The following PPIG variants were observed in gnomAD, a reference collection of about 807,000 sequenced individuals.
The protein encoded by PPIG is peptidylprolyl isomerase G.
Under a neutral mutation model 87.9 loss-of-function variants are expected in PPIG, and 26 were observed. That is an observed-to-expected ratio of 0.30 (90% confidence interval 0.22 to 0.41). The LOEUF is 0.41. Ranked by LOEUF, PPIG falls within the 10% of genes least tolerant of loss-of-function variation. The probability of loss-of-function intolerance (pLI) is 1.00; values close to 1 mark genes in which losing one functional copy is unlikely to be tolerated. For synonymous variants in PPIG, 308 were observed against 276.5 expected, an observed-to-expected ratio of 1.11 and a Z score of -1.13; for missense variants, 722 against 879.4, an observed-to-expected ratio of 0.82 and a Z score of 2.26.
chr2:169,594,499 A>C (rs924732859), intron 1 of PPIG, among the ~76,000 whole-genome samples: 1 of 151,934 alleles, frequency 6.6e-6, no homozygotes, highest in Non-Finnish European at 1.5e-5. Context: ...GTGCTTACTG[A>C]TACGTGTGAA....
chr2:169,621,941 AAT>A (rs373425329), intron 9 of PPIG, among the ~76,000 whole-genome samples: 139 of 119,750 alleles, frequency 1.2e-3, no homozygotes, highest in African/African-American at 1.2e-3. Flanking sequence ...AAAAAAAAAA[AAT>A]TTTTTTTTAA....
At chr2:169,603,939 A>G (rs2105486349) in intron 2 of PPIG, 87 bp from the exon 3 acceptor site, 2 of 978,298 alleles carry the variant, frequency 2.0e-6, no homozygotes, top group East Asian at 2.5e-5. Context: ...TATTTCTAAT[A>G]TTGTTTCACA....
At chr2:169,602,397 C>G (rs1418942028) in intron 1 of PPIG, among the ~76,000 whole-genome samples, 1 of 152,094 alleles carries the variant, frequency 6.6e-6, no homozygotes, top group Non-Finnish European at 1.5e-5. Context: ...CTCACTGCAA[C>G]CTCTACCTCC....
Position 169,637,339 on chromosome 2 carries a change from A to T in PPIG, c.2081A>T (p.Gln694Leu), listed in dbSNP as rs776643783. ...RDQSPFSKIK[Q>L]SSQDNELKSS... ...CAAAGTCCCTTCTCAAAAATAAAAC[A>T]AAGCAGTCAGGACAATGAATTAAAG... Residue 694 changes from glutamine (Q) to leucine (L), a missense_variant, in exon 14 of 14, where the codon CAA becomes CTA. By Grantham distance (113) the Gln-to-Leu change is moderately radical. Transcript: ENST00000260970. The T allele has an allele frequency of 1.2e-5, 20 of 1,606,734 alleles. No individual in the cohort carries two copies. The East Asian group carries it at 4.5e-4, about 36-fold the overall frequency.
intron 1 of PPIG, among the ~76,000 whole-genome samples, chr2:169,601,257 AT>A (rs1378473295): frequency 6.6e-6 from 1 of 152,118 alleles, no homozygotes; most frequent in Non-Finnish European, 1.5e-5. Flanking sequence ...TGTTACTGCA[AT>A]TTTACATTCT....
At chr2:169,593,263 C>G (rs916951545) in intron 1 of PPIG, among the ~76,000 whole-genome samples, 1 of 151,984 alleles carries the variant, frequency 6.6e-6, no homozygotes, top group Non-Finnish European at 1.5e-5. Context: ...GGCACAATCT[C>G]AGCTCACTGC....
Position 169,636,455 on chromosome 2 carries a change from TAGAGTA to T in PPIG, c.1199_1204del (p.Arg400_Val401del). On this transcript the variant is annotated inframe_deletion, in exon 14 of 14. Transcript: ENST00000260970. The stretch of plus-strand genomic sequence containing the variant: ...TAAAAGAAAATCAGAGAAGTCCAGT[TAGAGTA>T]AAAGAGAGAAAAATAACAGATCACA... 6.4e-7 allele frequency: 1 copy of T among 1,560,668 alleles called. No homozygotes were observed. The highest frequency in any genetic ancestry group is 8.6e-7 in the Non-Finnish European group (1 of 1,159,584).
intron 1 of PPIG, among the ~76,000 whole-genome samples, chr2:169,590,451 T>C (rs1237865568): frequency 6.6e-6 from 1 of 152,086 alleles, no homozygotes; most frequent in Non-Finnish European, 1.5e-5. Context: ...CCATCCTAGC[T>C]AACACGGTGA....
intron 9 of PPIG, among the ~76,000 whole-genome samples, chr2:169,623,541 G>A (rs1421849362): frequency 2.0e-5 from 3 of 152,196 alleles, no homozygotes; most frequent in Admixed American, 6.5e-5. Context: ...GAAGAAATGG[G>A]AGGAGGCAGA....
chr2:169,619,927 G>T (rs1425643625), intron 9 of PPIG, among the ~76,000 whole-genome samples: 1 of 151,758 alleles, frequency 6.6e-6, no homozygotes, highest in Non-Finnish European at 1.5e-5. Context: ...TTTAAATCAG[G>T]TTGTTTTCTT....
rs759583456 is a variant in PPIG at position 169,636,525 on chromosome 2, G to A, written c.1267G>A (p.Glu423Lys). The A allele has an allele frequency of 8.1e-6, 13 of 1,609,670 alleles. No individual in the cohort carries two copies. The highest frequency in any genetic ancestry group is 9.3e-6 in the Non-Finnish European group (11 of 1,178,770). The change falls in exon 14 of 14, where the codon GAG becomes AAG. Residue 423 changes from glutamate (E) to lysine (K), a missense_variant. By Grantham distance (56) the Glu-to-Lys change is moderately conservative (BLOSUM62 1). Coordinates refer to ENST00000260970, the MANE Select transcript of PPIG (RefSeq NM_004792.3). ...SESPNRKNEKEKKVKDHKSNS... is the reference protein window; with the variant it reads ...SESPNRKNEKKKKVKDHKSNS... ...GAGTCCAAACAGAAAAAATGAAAAG[G>A]AGAAGAAAGTTAAAGACCATAAATC...
rs1686029081 is a variant in PPIG, at chr2:169,630,874, C to T, written c.648C>T (p.Ser216=). The change falls in exon 10 of 14, where the codon TCC becomes TCT. Residue 216 remains serine, a synonymous_variant. Coordinates refer to ENST00000260970, the MANE Select transcript of PPIG (RefSeq NM_004792.3). ...GTGATTCTCAGTCCTCTTCTGATTC[C>T]TCTGATTCCGAAAGTGCTACTGAAG... The part of the protein sequence containing the change: ...SSSDSQSSSD[S]SDSESATEEK... 1 of 1,610,498 alleles carries T rather than the reference C, an allele frequency of 6.2e-7. No homozygotes were observed. The highest frequency in any genetic ancestry group is 8.5e-7 in the Non-Finnish European group (1 of 1,178,878).
At position 169,639,042 on chromosome 2, in the gene PPIG, CTA is replaced by C. The variant is rs1200032517; in HGVS notation, c.*1521_*1522del. The C allele has an allele frequency of 2.0e-5, 3 of 152,004 alleles. No homozygotes were observed. The highest frequency in any genetic ancestry group is 2.0e-4 in the Admixed American group (3 of 15,240). The allele number at this position is 152,004 out of a possible 1,614,324, so 9.4% of individuals were successfully genotyped here. A position where few individuals can be genotyped will look rare whatever the true frequency, so the allele number is the denominator to read the frequency against. On this transcript the variant is annotated 3_prime_UTR_variant, in exon 14 of 14. Transcript: ENST00000260970. ...GCAATTATTAACATGATACTTCCCA[CTA>C]TTGATTAATGCAATATTGATATATT... is the stretch of plus-strand genomic sequence containing the variant.
Position 169,636,444 on chromosome 2 carries a change from A to G in PPIG, c.1186A>G (p.Arg396Gly), listed in dbSNP as rs1451696932. ...SELNEIKENQRSPVRVKERKI... is the reference protein window; with the variant it reads ...SELNEIKENQGSPVRVKERKI... ...GTTGAATGAAATAAAAGAAAATCAG[A>G]GAAGTCCAGTTAGAGTAAAAGAGAG... The change falls in exon 14 of 14, where the codon AGA becomes GGA. Residue 396 changes from arginine to glycine, a missense_variant. Physicochemically the swap from Arg to Gly is moderately radical, Grantham distance 125. Transcript: ENST00000260970. 2.6e-6 allele frequency: 4 copies of G among 1,549,884 alleles called. No homozygotes were observed. Among genetic ancestry groups the G allele is most frequent in the Non-Finnish European group, 3.5e-6 (4 of 1,152,732 alleles).
intron 1 of PPIG, among the ~76,000 whole-genome samples, chr2:169,599,329 A>G (rs538662959): frequency 6.6e-6 from 1 of 152,130 alleles, no homozygotes; most frequent in Non-Finnish European, 1.5e-5. Context: ...CTACTGTACA[A>G]TTATCTTTTT....
intron 9 of PPIG, among the ~76,000 whole-genome samples, chr2:169,628,939 CAAAAAAA>C (rs71006010): frequency 8.7e-5 from 8 of 92,328 alleles, no homozygotes; most frequent in African/African-American, 1.6e-4. Flanking sequence ...ACCCTGTCTC[CAAAAAAA>C]AAAAAAAAAA....
intron 4 of PPIG, among the ~76,000 whole-genome samples, chr2:169,605,611 G>T (rs140107399): frequency 6.6e-6 from 1 of 151,062 alleles, no homozygotes; most frequent in Non-Finnish European, 1.5e-5. Flanking sequence ...AGACCAGCCT[G>T]GCCAACATGG....
intron 7 of PPIG, among the ~76,000 whole-genome samples, chr2:169,613,532 G>A (rs1259043834): frequency 1.3e-5 from 2 of 152,124 alleles, no homozygotes; most frequent in Non-Finnish European, 2.9e-5. Flanking sequence ...AAGGTTGATG[G>A]TGGGGAGTGG....
intron 1 of PPIG, 28 bp downstream of exon 1, chr2:169,584,518 T>C (rs2105464267): frequency 2.1e-6 from 1 of 470,186 alleles, no homozygotes; most frequent in Admixed American, 2.4e-5. Flanking sequence ...CAAGTTGTTC[T>C]GGCGGCGTCA....
Sources: gnomAD v4.1 joint callset for allele counts (sites outside exome capture counted in the v4.1 genomes callset) on GRCh38, gnomAD v4.1.1 for gene constraint, MANE v1.5 for transcripts, NCBI Gene and HGNC (gene_info 2026-07-23, HGNC 2026-07-21) for gene names.